Variants in XNDC1N observed in about 807,000 individuals in gnomAD.
XNDC1N encodes XRCC1 N-terminal domain containing 1, N-terminal like.
the XNDC1N span, among the ~76,000 whole-genome samples, chr11:71,909,914 T>C: frequency 2.0e-5 from 3 of 152,074 alleles, no homozygotes; most frequent in East Asian, 1.9e-4. Context: ...CTTATGGTTC[T>C]CCGAGAGGAG....
At chr11:71,925,154 G>A in the XNDC1N span, among the ~76,000 whole-genome samples, 1 of 151,726 alleles carries the variant, frequency 6.6e-6, no homozygotes, top group African/African-American at 2.4e-5. Context: ...GCTCCAACCT[G>A]TCAATTCTCA....
chr11:71,903,484 C>T, the XNDC1N span: 1 of 769,948 alleles, frequency 1.3e-6, no homozygotes, highest in Non-Finnish European at 2.3e-6. Context: ...GGCTGCCTGA[C>T]TCAGATGTCT....
At chr11:71,900,978 GTCAC>G in the XNDC1N span, among the ~76,000 whole-genome samples, 1 of 149,240 alleles carries the variant, frequency 6.7e-6, no homozygotes, top group South Asian at 2.1e-4. Context: ...TCAAATCCTC[GTCAC>G]TCAGGCGGAT....
chr11:71,878,063 G>A, the XNDC1N span, among the ~76,000 whole-genome samples: 1 of 152,224 alleles, frequency 6.6e-6, no homozygotes, highest in Non-Finnish European at 1.5e-5. Context: ...AAATAGGCAT[G>A]CTGTTGTATT....
At chr11:71,913,357 C>T in the XNDC1N span, among the ~76,000 whole-genome samples, 4 of 152,138 alleles carry the variant, frequency 2.6e-5, 1 homozygote, top group African/African-American at 9.6e-5. Flanking sequence ...TAAGATCATC[C>T]TCTCCACCCA....
At chr11:71,880,208 A>G in the XNDC1N span, among the ~76,000 whole-genome samples, 1 of 152,196 alleles carries the variant, frequency 6.6e-6, no homozygotes, top group South Asian at 2.1e-4. Context: ...ATATGTATTT[A>G]TTATAAAGTA....
At chr11:71,925,470 G>GCGGCTAAGGCTTCAAAGACA in the XNDC1N span, among the ~76,000 whole-genome samples, 1 of 152,132 alleles carries the variant, frequency 6.6e-6, no homozygotes, top group Non-Finnish European at 1.5e-5. Flanking sequence ...CAGCCAGTAT[G>GCGGCTAAGGCTTCAAAGACA]CGGCTAAGGC....
chr11:71,892,776 C>T, the XNDC1N span, among the ~76,000 whole-genome samples: 4,262 of 152,152 alleles, frequency 0.028, 68 homozygotes, highest in East Asian at 0.08. Context: ...CAGCCTCGGC[C>T]GCCCAAAGTG....
chr11:71,912,157 C>T, the XNDC1N span, among the ~76,000 whole-genome samples: 1 of 152,328 alleles, frequency 6.6e-6, no homozygotes, highest in South Asian at 2.1e-4. Context: ...GGTGTGTTAC[C>T]TGCCGCCAGC....
chr11:71,902,613 G>C, the XNDC1N span, among the ~76,000 whole-genome samples: 2 of 152,212 alleles, frequency 1.3e-5, no homozygotes, highest in Non-Finnish European at 2.9e-5. Flanking sequence ...AGAAAAGTCC[G>C]AAAACACAAT....
chr11:71,893,753 C>T, the XNDC1N span: 1,228 of 1,160,596 alleles, frequency 1.1e-3, 29 homozygotes, highest in South Asian at 0.015. Flanking sequence ...ATCTCTCATG[C>T]GGACTGCCTG....
the XNDC1N span, chr11:71,893,708 A>G: frequency 5.4e-4 from 709 of 1,320,132 alleles, 5 homozygotes; most frequent in African/African-American, 8.6e-3. Flanking sequence ...ACGGTTCCCA[A>G]TATGATTGTG....
At chr11:71,928,339 C>A in the XNDC1N span, 1 of 634,552 alleles carries the variant, frequency 1.6e-6, no homozygotes, top group South Asian at 1.8e-5. Context: ...CTCCCCTCCC[C>A]ATCAACAAAT....
At chr11:71,869,075 A>G in the XNDC1N span, among the ~76,000 whole-genome samples, 1 of 151,970 alleles carries the variant, frequency 6.6e-6, no homozygotes. Flanking sequence ...ATTATACTTT[A>G]AGTTCTAGGG....
At chr11:71,907,641 AG>A in the XNDC1N span, among the ~76,000 whole-genome samples, 1 of 152,078 alleles carries the variant, frequency 6.6e-6, no homozygotes, top group South Asian at 2.1e-4. Context: ...ACAGTATCAC[AG>A]GGGTATTTCT....
chr11:71,899,357 C>G, the XNDC1N span, among the ~76,000 whole-genome samples: 1 of 152,202 alleles, frequency 6.6e-6, no homozygotes, highest in Middle Eastern at 3.4e-3. Flanking sequence ...AGGGGAAGGG[C>G]AGTTCAGTGA....
the XNDC1N span, among the ~76,000 whole-genome samples, chr11:71,900,526 T>TG: frequency 2.0e-5 from 3 of 152,178 alleles, no homozygotes; most frequent in South Asian, 2.1e-4. Context: ...TTGGTTGTGC[T>TG]GGGGGTCTCA....
chr11:71,880,818 T>C, the XNDC1N span, among the ~76,000 whole-genome samples: 1 of 152,240 alleles, frequency 6.6e-6, no homozygotes, highest in Non-Finnish European at 1.5e-5. Flanking sequence ...ATCTGTATAG[T>C]TTCCAAAGTT....
the XNDC1N span, chr11:71,878,323 C>A: frequency 1.1e-6 from 1 of 929,460 alleles, no homozygotes; most frequent in Non-Finnish European, 1.6e-6. Flanking sequence ...CATTGAAACA[C>A]AGAAATGTTA....
Sources: gnomAD v4.1 joint callset for allele counts (sites outside exome capture counted in the v4.1 genomes callset) on GRCh38, gnomAD v4.1.1 for gene constraint, MANE v1.5 for transcripts, NCBI Gene and HGNC (gene_info 2026-07-23, HGNC 2026-07-21) for gene names.